Variants in CACNB2 observed in about 807,000 individuals in gnomAD.
CACNB2 encodes calcium voltage-gated channel auxiliary subunit beta 2.
Under a neutral mutation model 73.3 loss-of-function variants are expected in CACNB2, and 42 were observed. The ratio of observed to expected loss-of-function variants is 0.57; its 90% CI spans 0.45 to 0.74. The LOEUF is 0.74. CACNB2 is among the 30% of genes least tolerant of loss of function. The pLI is 0.00. For synonymous variants in CACNB2, 348 were observed against 310.3 expected, an observed-to-expected ratio of 1.12 and a Z score of -1.28; for missense variants, 940 against 853.0, an observed-to-expected ratio of 1.10 and a Z score of -1.27.
chr10:18,339,365 A>T (rs2041142973), intron 2 of CACNB2, among the ~76,000 whole-genome samples: 1 of 152,142 alleles, frequency 6.6e-6, no homozygotes, highest in African/African-American at 2.4e-5. Context: ...TACTAAAAAT[A>T]CAAAAATTAG....
At chr10:18,345,003 ACT>A (rs1488051852) in intron 2 of CACNB2, among the ~76,000 whole-genome samples, 1 of 152,208 alleles carries the variant, frequency 6.6e-6, no homozygotes, top group Non-Finnish European at 1.5e-5. Flanking sequence ...TAATCAGATC[ACT>A]GTTTAATCAG....
intron 2 of CACNB2, among the ~76,000 whole-genome samples, chr10:18,378,741 C>CA (rs2042899831): frequency 6.6e-6 from 1 of 151,996 alleles, no homozygotes; most frequent in African/African-American, 2.4e-5. Flanking sequence ...AACCCTGTCT[C>CA]AAAAAATAGA....
At chr10:18,152,612 A>G (rs551031125) in intron 2 of CACNB2, among the ~76,000 whole-genome samples, 209 of 150,258 alleles carry the variant, frequency 1.4e-3, no homozygotes, top group Middle Eastern at 6.8e-3. Context: ...TTTCCATTTC[A>G]AGCTATTTAT....
chr10:18,189,370 C>A (rs2034295466), intron 2 of CACNB2, among the ~76,000 whole-genome samples: 1 of 152,158 alleles, frequency 6.6e-6, no homozygotes, highest in African/African-American at 2.4e-5. Flanking sequence ...AATCCACAAT[C>A]TCCCAGATAT....
At position 18,454,826 on chromosome 10, in the gene CACNB2, G is replaced by T. The variant is rs969460388; in HGVS notation, c.334-43529G>T. Among the ~76,000 whole-genome samples the T allele has an allele frequency of 2.0e-5, 3 of 152,146 alleles. No individual in the cohort carries two copies. The South Asian group carries it at 6.2e-4, about 32-fold the overall frequency. On this transcript the variant is annotated intron_variant, in intron 3 of 13. Coordinates refer to ENST00000324631, the MANE Select transcript of CACNB2 (RefSeq NM_201596.3). ...GGCCAAGGCAGGAGAATTGCTTGAGGCCAGGAGTTCAAGGCCTGCCTGGGC... is the reference window on the plus strand; with the variant it reads ...GGCCAAGGCAGGAGAATTGCTTGAGTCCAGGAGTTCAAGGCCTGCCTGGGC...
At chr10:18,448,873 T>C (rs1268222666) in intron 3 of CACNB2, among the ~76,000 whole-genome samples, 1 of 152,176 alleles carries the variant, frequency 6.6e-6, no homozygotes, top group Non-Finnish European at 1.5e-5. Flanking sequence ...GTCACTGGAA[T>C]TGGAGAATTA....
intron 2 of CACNB2, among the ~76,000 whole-genome samples, chr10:18,214,863 G>A (rs1348100558): frequency 2.6e-5 from 4 of 152,186 alleles, no homozygotes; most frequent in East Asian, 1.9e-4. Context: ...GGATGGCTGT[G>A]CCTGTGTGTA....
intron 3 of CACNB2, among the ~76,000 whole-genome samples, chr10:18,495,360 C>T (rs1192706018): frequency 6.6e-6 from 1 of 151,782 alleles, no homozygotes; most frequent in Non-Finnish European, 1.5e-5. Flanking sequence ...GCTGGGATTA[C>T]AGTCATGTGC....
chr10:18,401,257 C>T (rs984905257), intron 2 of CACNB2, among the ~76,000 whole-genome samples: 4 of 152,098 alleles, frequency 2.6e-5, no homozygotes, highest in African/African-American at 9.7e-5. Context: ...TTTTTGAGCT[C>T]CTTTTCCTAG....
chr10:18,395,750 T>A (rs949859659), intron 2 of CACNB2, among the ~76,000 whole-genome samples: 3 of 152,236 alleles, frequency 2.0e-5, no homozygotes, highest in Non-Finnish European at 4.4e-5. Context: ...GATGTATTGC[T>A]ATCACCTCTG....
chr10:18,276,113 A>G (rs1487075229), intron 2 of CACNB2, among the ~76,000 whole-genome samples: 2 of 152,226 alleles, frequency 1.3e-5, no homozygotes, highest in Non-Finnish European at 2.9e-5. Context: ...TGTACCATGC[A>G]ACAATTTCAG....
chr10:18,327,504 A>C lies in CACNB2; in HGVS notation c.214-74420A>C, dbSNP rs1252071865. On this transcript the variant is annotated intron_variant, in intron 2 of 13. Transcript: ENST00000324631. ...CAGTGGAGTGATCTCGGCTCACTGC[A>C]ACCTCCACCTGCTGGACTCAAGCGA... Among the ~76,000 whole-genome samples, 12 of 152,110 alleles carry C rather than the reference A, an allele frequency of 7.9e-5. No homozygotes were observed. In the South Asian group the frequency reaches 2.5e-3, roughly 32 times the overall value.
intron 3 of CACNB2, among the ~76,000 whole-genome samples, chr10:18,483,342 C>G (rs952535350): frequency 2.6e-5 from 4 of 151,630 alleles, no homozygotes; most frequent in African/African-American, 9.7e-5. Flanking sequence ...ACCAGCCTGG[C>G]CAACATGGTG....
chr10:18,168,364 C>G (rs924926636), intron 2 of CACNB2, among the ~76,000 whole-genome samples: 1 of 152,164 alleles, frequency 6.6e-6, no homozygotes, highest in African/African-American at 2.4e-5. Flanking sequence ...GAGAAGAATT[C>G]TTAATCACCA....
chr10:18,415,926 G>A (rs1376765216), intron 3 of CACNB2, among the ~76,000 whole-genome samples: 1 of 151,894 alleles, frequency 6.6e-6, no homozygotes, highest in East Asian at 1.9e-4. Context: ...CAACTACCAT[G>A]CTACAATTTT....
chr10:18,381,231 G>A (rs867379973), intron 2 of CACNB2, among the ~76,000 whole-genome samples: 1 of 150,838 alleles, frequency 6.6e-6, no homozygotes, highest in African/African-American at 2.4e-5. Context: ...CATTTTGGCC[G>A]GGTGCGGTGG....
chr10:18,319,332 C>G (rs924142907), intron 2 of CACNB2, among the ~76,000 whole-genome samples: 2 of 152,106 alleles, frequency 1.3e-5, no homozygotes, highest in East Asian at 3.9e-4. Context: ...TCATCCTCAG[C>G]AAACTAACAC....
chr10:18,384,136 C>G (rs16917243), intron 2 of CACNB2, among the ~76,000 whole-genome samples: 18,099 of 152,134 alleles, frequency 0.12, 1,763 homozygotes, highest in East Asian at 0.57. Context: ...TCCCAAGGAA[C>G]CTGTAGTCAC....
At chr10:18,446,721 A>T (rs1162592974) in intron 3 of CACNB2, among the ~76,000 whole-genome samples, 1 of 152,184 alleles carries the variant, frequency 6.6e-6, no homozygotes, top group African/African-American at 2.4e-5. Context: ...CACTCCAAGA[A>T]GAAGATGGTG....
Sources: allele counts gnomAD v4.1 joint callset (sites outside exome capture counted in the v4.1 genomes callset), GRCh38; gene constraint gnomAD v4.1.1; transcripts MANE v1.5; gene names NCBI Gene and HGNC (gene_info 2026-07-23, HGNC 2026-07-21).